The following SYNE1 variants were observed in gnomAD, a reference collection of about 807,000 sequenced individuals.
SYNE1 encodes the protein spectrin repeat containing nuclear envelope protein 1, also known as nesprin-1.
In SYNE1, 616 loss-of-function variants were observed where a neutral mutation model predicts 1,111.0. The observed-to-expected ratio is 0.55, with a 90% CI of 0.52 to 0.59. The LOEUF is 0.59. SYNE1 is among the 20% of genes least tolerant of loss of function. The probability of loss-of-function intolerance (pLI) is 0.00; values close to 1 mark genes in which losing one functional copy is unlikely to be tolerated. For synonymous variants in SYNE1, 3,855 were observed against 3,825.8 expected, an observed-to-expected ratio of 1.01 and a Z score of -0.28; for missense variants, 10,006 against 10,417.0, an observed-to-expected ratio of 0.96 and a Z score of 1.72.
chr6:152,417,110 G>A (rs2154182995), intron 40 of SYNE1, 95 bp from the exon 41 acceptor site: 1 of 1,558,612 alleles, frequency 6.4e-7, no homozygotes, highest in African/African-American at 1.3e-5. Flanking sequence ...TCTATTTTAG[G>A]TGCCATGGAT....
intron 19 of SYNE1, 148 bp from the exon 20 acceptor site, chr6:152,463,038 T>C: frequency 9.8e-7 from 1 of 1,020,526 alleles, no homozygotes; most frequent in Non-Finnish European, 1.4e-6. Flanking sequence ...AAATTTGAAG[T>C]AAGTCCAATT....
chr6:152,406,991 A>C, intron 45 of SYNE1, 23 bp downstream of exon 45: 1 of 1,606,992 alleles, frequency 6.2e-7, no homozygotes, highest in Non-Finnish European at 8.5e-7. Flanking sequence ...ACCAGCTGCC[A>C]TATGTCAACA....
intron 103 of SYNE1, 97 bp downstream of exon 103, chr6:152,255,494 A>G (rs2090593761): frequency 1.5e-6 from 2 of 1,353,080 alleles, no homozygotes; most frequent in South Asian, 2.4e-5. Context: ...GAATTGTTTT[A>G]TGTTTGACTT....
chr6:152,216,448 AGAGT>A (rs1202510111), intron 121 of SYNE1, among the ~76,000 whole-genome samples: 1 of 152,212 alleles, frequency 6.6e-6, no homozygotes, highest in Non-Finnish European at 1.5e-5. Context: ...CTTTCCTAAG[AGAGT>A]GACATTGAAC....
At chr6:152,338,467 T>C (rs1338055154) in intron 75 of SYNE1, among the ~76,000 whole-genome samples, 1 of 151,590 alleles carries the variant, frequency 6.6e-6, no homozygotes. Context: ...ACAAAAAGTA[T>C]AAAAATTAGC....
intron 126 of SYNE1, among the ~76,000 whole-genome samples, chr6:152,205,327 C>T (rs2076304860): frequency 6.6e-6 from 1 of 152,244 alleles, no homozygotes; most frequent in South Asian, 2.1e-4. Flanking sequence ...CTATGATAAT[C>T]ACTATCATTC....
At chr6:152,474,811 C>T (rs577199436) in intron 14 of SYNE1, among the ~76,000 whole-genome samples, 135 of 152,132 alleles carry the variant, frequency 8.9e-4, no homozygotes, top group African/African-American at 3.1e-3. Flanking sequence ...TCATACTGTA[C>T]AACTAGAGTT....
chr6:152,564,034 C>T (rs1595457725), intron 3 of SYNE1, among the ~76,000 whole-genome samples: 1 of 151,736 alleles, frequency 6.6e-6, no homozygotes, highest in East Asian at 1.9e-4. Flanking sequence ...AAAAGACAAA[C>T]AAATATAGGT....
chr6:152,196,980 G>A (rs1408847759), intron 127 of SYNE1, among the ~76,000 whole-genome samples: 2 of 152,148 alleles, frequency 1.3e-5, no homozygotes, highest in African/African-American at 4.8e-5. Flanking sequence ...TTCCCCTTTG[G>A]CTAGGTCTTG....
At chr6:152,541,837 T>G (rs1379800741) in intron 3 of SYNE1, among the ~76,000 whole-genome samples, 2 of 150,332 alleles carry the variant, frequency 1.3e-5, no homozygotes, top group African/African-American at 2.4e-5. Flanking sequence ...AAAAACTACC[T>G]ATTGGGTAAT....
intron 112 of SYNE1, among the ~76,000 whole-genome samples, chr6:152,232,862 T>A (rs540696364): frequency 1.3e-3 from 193 of 152,354 alleles, no homozygotes; most frequent in African/African-American, 4.6e-3. Context: ...TCATTTAAAA[T>A]CTTTGTATAT....
intron 145 of SYNE1, among the ~76,000 whole-genome samples, chr6:152,130,173 A>C (rs1194371920): frequency 1.3e-5 from 2 of 152,184 alleles, no homozygotes; most frequent in Non-Finnish European, 2.9e-5. Flanking sequence ...GGGAAGTTTT[A>C]GGATAAGCAG....
Position 152,502,645 on chromosome 6 carries a change from C to G in SYNE1, c.876G>C (p.Gly292=), listed in dbSNP as rs778770743. 1 of 1,612,678 alleles carries G rather than the reference C, an allele frequency of 6.2e-7. No homozygotes were observed. The highest frequency in any genetic ancestry group is 8.5e-7 in the Non-Finnish European group (1 of 1,178,806). The part of the protein sequence containing the change: ...YPDIHNASTD[G]QEDDEILPGF... The stretch of plus-strand genomic sequence containing the variant: ...AGCAAATACCTACATCATCCTCTTG[C>G]CCATCAGTGCTTGCATTGTGGATGT... Residue 292 remains glycine (G), a synonymous_variant, in exon 10 of 146, where the codon GGG becomes GGC. Coordinates refer to ENST00000367255, the MANE Select transcript of SYNE1 (RefSeq NM_182961.4).
chr6:152,234,827 A>C, intron 110 of SYNE1, 27 bp from the exon 111 acceptor site: 1 of 1,613,256 alleles, frequency 6.2e-7, no homozygotes, highest in Non-Finnish European at 8.5e-7. Flanking sequence ...GGAGTCCATT[A>C]AGTAAACATT....
At chr6:152,461,311 T>G (rs189280274) in intron 21 of SYNE1, among the ~76,000 whole-genome samples, 15 of 152,310 alleles carry the variant, frequency 9.8e-5, no homozygotes, top group Admixed American at 9.2e-4. Flanking sequence ...TTTATCTCTC[T>G]TTCCCTCTCT....
chr6:152,509,360 G>A (rs942913466), intron 8 of SYNE1, among the ~76,000 whole-genome samples: 4 of 147,646 alleles, frequency 2.7e-5, no homozygotes, highest in East Asian at 2.0e-4. Flanking sequence ...AGGTTCAAGC[G>A]ATTCTGGTGC....
intron 128 of SYNE1, among the ~76,000 whole-genome samples, chr6:152,184,642 AG>A (rs2069213346): frequency 6.9e-6 from 1 of 144,322 alleles, no homozygotes; most frequent in Non-Finnish European, 1.5e-5. Context: ...ATAGATAGAT[AG>A]ATAGATAGAT....
In SYNE1 at chr6:152,143,753, G is replaced by A. The variant is rs1441430017; in HGVS notation, c.24989C>T (p.Ala8330Val). The A allele has an allele frequency of 1.2e-6, 2 of 1,614,176 alleles. No homozygotes were observed. Among genetic ancestry groups the A allele is most frequent in the Admixed American group, 3.3e-5 (2 of 60,012 alleles). ...GAVGLSGDHS[A>V]LESQIRQLGK... ...CAGTTGTCGGATCTGTGACTCTAGGGCACTGTGGTCCCCTGCGGTGGCAAC... is the reference window on the plus strand; with the variant it reads ...CAGTTGTCGGATCTGTGACTCTAGGACACTGTGGTCCCCTGCGGTGGCAAC... Residue 8330 changes from alanine (A) to valine (V), a missense_variant, in exon 138 of 146, where the codon GCC (alanine) becomes GTC (valine). By Grantham distance (64) the Ala-to-Val change is moderately conservative. Around this residue, in one of 7 missense-constraint regions of SYNE1, gnomAD observed 761 missense variants for 795.5 expected, o/e 0.96. Coordinates refer to ENST00000367255, the MANE Select transcript of SYNE1 (RefSeq NM_182961.4).
At chr6:152,240,067 A>G (rs1223221762) in intron 107 of SYNE1, among the ~76,000 whole-genome samples, 2 of 152,126 alleles carry the variant, frequency 1.3e-5, no homozygotes, top group Non-Finnish European at 2.9e-5. Context: ...CCAGCGCTGG[A>G]GCTGAGTAGA....
Sources: gnomAD v4.1 joint callset for allele counts (sites outside exome capture counted in the v4.1 genomes callset) on GRCh38, gnomAD v4.1.1 for gene constraint, gnomAD v4.1.1 regional missense constraint, MANE v1.5 for transcripts, NCBI Gene and HGNC (gene_info 2026-07-23, HGNC 2026-07-21) for gene names.